Variants in GLMN observed in about 807,000 individuals in gnomAD.
The protein encoded by GLMN is glomulin, FKBP associated protein.
In GLMN, 75 loss-of-function variants were observed where a neutral mutation model predicts 87.8. The observed-to-expected ratio is 0.85, with a 90% CI of 0.71 to 1.04. The LOEUF (loss-of-function observed/expected upper bound fraction) is 1.04, where lower values mean the gene tolerates loss of function less well. Ranked by LOEUF, GLMN falls within the 50% of genes least tolerant of loss-of-function variation. The pLI is 0.00. For missense variants in GLMN, 588 were observed against 658.8 expected (o/e 0.89, Z 1.18); for synonymous variants, 206 against 221.6 (o/e 0.93, Z 0.63).
chr1:92,344,189 C>T, the GLMN span, among the ~76,000 whole-genome samples: 22 of 152,100 alleles, frequency 1.4e-4, no homozygotes, highest in African/African-American at 5.3e-4. Flanking sequence ...GCGGGTGGAT[C>T]ACTTGAGGCC....
chr1:92,324,017 TACTTA>T, the GLMN span: 1 of 1,613,814 alleles, frequency 6.2e-7, no homozygotes, highest in East Asian at 2.2e-5. Context: ...AAGAGAAACT[TACTTA>T]AAGTTTTGAA....
chr1:92,362,219 G>A, the GLMN span, among the ~76,000 whole-genome samples: 10 of 152,266 alleles, frequency 6.6e-5, no homozygotes, highest in Admixed American at 6.5e-4. Flanking sequence ...TTTCTCCTCT[G>A]TTGTTAAACA....
the GLMN span, among the ~76,000 whole-genome samples, chr1:92,364,459 A>G: frequency 6.6e-6 from 1 of 152,160 alleles, no homozygotes; most frequent in Non-Finnish European, 1.5e-5. Flanking sequence ...CCAAAATGGT[A>G]TCTTCAGCTC....
chr1:92,264,243 G>T (rs1446573980), intron 14 of GLMN, among the ~76,000 whole-genome samples: 1 of 152,090 alleles, frequency 6.6e-6, no homozygotes. Context: ...AGCCCAGGAG[G>T]TGGAGGCTGC....
intron 8 of GLMN, among the ~76,000 whole-genome samples, chr1:92,270,351 C>T (rs961787941): frequency 2.6e-5 from 4 of 152,098 alleles, no homozygotes; most frequent in Non-Finnish European, 4.4e-5. Flanking sequence ...TATCTGCATC[C>T]CACCTATGCC....
the GLMN span, among the ~76,000 whole-genome samples, chr1:92,354,379 A>G: frequency 6.6e-6 from 1 of 152,240 alleles, no homozygotes; most frequent in Non-Finnish European, 1.5e-5. Flanking sequence ...AATGATAAAG[A>G]AAAGCTTTTC....
rs374302586 is a variant in GLMN at position 92,297,562 on chromosome 1, C to T, written c.40-33G>A. On this transcript the variant is annotated intron_variant, in intron 2 of 18. Transcript: ENST00000370360. ...AAAAAAAAAAAACCCAAAAAACAAA[C>T]AAAAAAAAGTATATGCAAATAAAAA... 6.0e-6 allele frequency: 9 copies of T among 1,506,142 alleles called. No individual in the cohort carries two copies. In the African/African-American group the frequency reaches 1.0e-4, roughly 17 times the overall value. The allele number at this position is 1,506,142 out of a possible 1,614,324, so 93.3% of individuals were successfully genotyped here. A position where few individuals can be genotyped will look rare whatever the true frequency, so the allele number is the denominator to read the frequency against.
At chr1:92,259,583 C>T (rs1362642018) in intron 16 of GLMN, among the ~76,000 whole-genome samples, 1 of 152,082 alleles carries the variant, frequency 6.6e-6, no homozygotes, top group East Asian at 1.9e-4. Context: ...GTTCATATTT[C>T]TGACTGTGTG....
At chr1:92,309,518 T>C in the GLMN span, among the ~76,000 whole-genome samples, 1 of 152,002 alleles carries the variant, frequency 6.6e-6, no homozygotes, top group East Asian at 1.9e-4. Context: ...CAGTAAGTGC[T>C]TAGTACCTGG....
chr1:92,294,986 AGTTT>A, intron 3 of GLMN, among the ~76,000 whole-genome samples: 1 of 152,358 alleles, frequency 6.6e-6, no homozygotes, highest in South Asian at 2.1e-4. Context: ...GCCTGTAGTC[AGTTT>A]TGAACATTGT....
chr1:92,330,698 T>G, the GLMN span, among the ~76,000 whole-genome samples: 1 of 152,110 alleles, frequency 6.6e-6, no homozygotes, highest in Non-Finnish European at 1.5e-5. Context: ...GTGATCTGCC[T>G]GCCTCAGCCT....
At chr1:92,253,553 T>C (rs1465677836) in intron 16 of GLMN, among the ~76,000 whole-genome samples, 1 of 152,094 alleles carries the variant, frequency 6.6e-6, no homozygotes, top group Non-Finnish European at 1.5e-5. Flanking sequence ...CCCTCTGGGA[T>C]GAAGCTTCCA....
chr1:92,368,841 T>C, the GLMN span, among the ~76,000 whole-genome samples: 1 of 152,230 alleles, frequency 6.6e-6, no homozygotes, highest in Non-Finnish European at 1.5e-5. Context: ...ATCAATAAGA[T>C]GCAGTTTGAC....
the GLMN span, among the ~76,000 whole-genome samples, chr1:92,356,776 A>G: frequency 2.0e-5 from 3 of 151,714 alleles, no homozygotes; most frequent in African/African-American, 7.3e-5. Context: ...TCTCATTAAA[A>G]AATGGGCCAG....
the GLMN span, among the ~76,000 whole-genome samples, chr1:92,343,384 C>T: frequency 6.6e-6 from 1 of 152,126 alleles, no homozygotes; most frequent in Non-Finnish European, 1.5e-5. Context: ...AGCCATCAAA[C>T]AACGTGTCCA....
the GLMN span, among the ~76,000 whole-genome samples, chr1:92,349,646 T>C: frequency 5.3e-5 from 8 of 152,152 alleles, no homozygotes; most frequent in Non-Finnish European, 7.4e-5. Flanking sequence ...TTTAAATCTG[T>C]GCCAGGTGCA....
rs1473066773 is a variant in GLMN at position 92,266,682 on chromosome 1, C to T, written c.1140+18G>A. On this transcript the variant is annotated intron_variant, in intron 12 of 18. Transcript: ENST00000370360. ...TCACTGTAACTCATTATTCTTTAGT[C>T]ACCAAATATTTACATACCAGTGTCT... The T allele has an allele frequency of 2.0e-6, 3 of 1,526,178 alleles. No individual in the cohort carries two copies. Among genetic ancestry groups the T allele is most frequent in the Non-Finnish European group, 2.7e-6 (3 of 1,102,176 alleles). 94.5% of individuals were successfully genotyped at this position (1,526,178 alleles called of 1,614,324 possible).
At chr1:92,287,569 G>A (rs1648919251) in intron 6 of GLMN, among the ~76,000 whole-genome samples, 1 of 151,944 alleles carries the variant, frequency 6.6e-6, no homozygotes, top group Non-Finnish European at 1.5e-5. Flanking sequence ...TCAAACTCCT[G>A]AGCTCAAGCA....
chr1:92,307,129 C>T, the GLMN span: 2 of 1,126,114 alleles, frequency 1.8e-6, no homozygotes, highest in Non-Finnish European at 2.6e-6. Flanking sequence ...ATACTCTCAA[C>T]TGTATGTAGG....
Sources: allele counts gnomAD v4.1 joint callset (sites outside exome capture counted in the v4.1 genomes callset), GRCh38; gene constraint gnomAD v4.1.1; transcripts MANE v1.5; gene names NCBI Gene and HGNC (gene_info 2026-07-23, HGNC 2026-07-21).